Variants in BAALC observed in about 807,000 individuals in gnomAD.
BAALC encodes BAALC binder of MAP3K1 and KLF4, also known as brain and acute leukemia cytoplasmic protein.
BAALC carries 9 observed loss-of-function variants against 15.5 expected under a neutral mutation model. That is an observed-to-expected ratio of 0.58 (90% CI 0.35 to 1.02). BAALC has a LOEUF of 1.02. Among genes scored for constraint, BAALC ranks in the 50% least tolerant of loss-of-function variants. BAALC has a pLI of 0.02. For missense variants in BAALC, 201 were observed against 192.4 expected (o/e 1.04, Z -0.27); for synonymous variants, 80 against 74.6 (o/e 1.07, Z -0.37).
At chr8:103,147,733 T>C (rs1810906744) in intron 1 of BAALC, among the ~76,000 whole-genome samples, 1 of 152,206 alleles carries the variant, frequency 6.6e-6, no homozygotes, top group South Asian at 2.1e-4. Flanking sequence ...AGCCCTCCCA[T>C]GTCAGGCCTA....
At chr8:103,171,302 A>T (rs1811482172) in intron 1 of BAALC, among the ~76,000 whole-genome samples, 2 of 146,662 alleles carry the variant, frequency 1.4e-5, no homozygotes, top group Admixed American at 1.4e-4. Flanking sequence ...GGAAGGGGGG[A>T]GGGAGGAGGA....
At chr8:103,192,271 C>T (rs968830449) in intron 1 of BAALC, among the ~76,000 whole-genome samples, 1 of 152,164 alleles carries the variant, frequency 6.6e-6, no homozygotes, top group African/African-American at 2.4e-5. Flanking sequence ...AAGCTGGTCT[C>T]GAACTCTCGA....
At chr8:103,178,944 A>G (rs1811666956) in intron 1 of BAALC, among the ~76,000 whole-genome samples, 1 of 152,148 alleles carries the variant, frequency 6.6e-6, no homozygotes, top group Non-Finnish European at 1.5e-5. Flanking sequence ...TTTTAAAAAT[A>G]GTTGGTGGAA....
intron 2 of BAALC, among the ~76,000 whole-genome samples, chr8:103,214,333 T>C (rs546368495): frequency 1.3e-5 from 2 of 152,370 alleles, no homozygotes; most frequent in African/African-American, 4.8e-5. Flanking sequence ...GTCAGATATG[T>C]AGTCTGTAAC....
chr8:103,154,052 C>T (rs948110632), intron 1 of BAALC, among the ~76,000 whole-genome samples: 11 of 152,206 alleles, frequency 7.2e-5, no homozygotes, highest in African/African-American at 2.2e-4. Context: ...AATCACTTTT[C>T]AAGGGCAGTC....
At chr8:103,192,818 C>T (rs967519694) in intron 1 of BAALC, among the ~76,000 whole-genome samples, 1 of 152,182 alleles carries the variant, frequency 6.6e-6, no homozygotes, top group African/African-American at 2.4e-5. Flanking sequence ...TAGCGAGATA[C>T]ATATGGCCAT....
intron 1 of BAALC, among the ~76,000 whole-genome samples, chr8:103,151,430 A>G (rs1343759286): frequency 2.6e-5 from 4 of 152,180 alleles, no homozygotes. Context: ...CGAAGAATTA[A>G]TGCATTCACA....
intron 1 of BAALC, among the ~76,000 whole-genome samples, chr8:103,201,804 T>A (rs1812224154): frequency 6.6e-6 from 1 of 152,130 alleles, no homozygotes; most frequent in African/African-American, 2.4e-5. Context: ...TGGCACATAG[T>A]AGGTACCAAA....
At chr8:103,178,034 T>G (rs1387100302) in intron 1 of BAALC, among the ~76,000 whole-genome samples, 1 of 152,204 alleles carries the variant, frequency 6.6e-6, no homozygotes, top group Non-Finnish European at 1.5e-5. Flanking sequence ...GTGGGGAAAT[T>G]AGGAACCATC....
chr8:103,172,569 T>C (rs1811521148), intron 1 of BAALC, among the ~76,000 whole-genome samples: 2 of 152,102 alleles, frequency 1.3e-5, no homozygotes, highest in Admixed American at 1.3e-4. Context: ...GACTGGCTAA[T>C]TTTTGGTAGA....
chr8:103,186,812 T>C lies in BAALC; in HGVS notation c.161-26107T>C, dbSNP rs566214008. 2.0e-5 allele frequency among the ~76,000 whole-genome samples: 3 copies of C among 152,320 alleles called. No homozygotes were observed. In the East Asian group the frequency reaches 5.8e-4, roughly 29 times the overall value. On this transcript the variant is annotated intron_variant, in intron 1 of 2. Transcript: ENST00000309982. ...TGACTAAGCAGATGATAATGGATAA[T>C]CTTGAGCTGAGCTATTTCATATGGT... is the stretch of plus-strand genomic sequence containing the variant.
At chr8:103,202,094 T>C (rs1812229144) in intron 1 of BAALC, among the ~76,000 whole-genome samples, 1 of 152,194 alleles carries the variant, frequency 6.6e-6, no homozygotes, top group African/African-American at 2.4e-5. Context: ...ACCAATATAG[T>C]ACAGTTTTCT....
intron 1 of BAALC, among the ~76,000 whole-genome samples, chr8:103,204,522 T>C (rs1812286821): frequency 6.6e-6 from 1 of 152,224 alleles, no homozygotes; most frequent in Non-Finnish European, 1.5e-5. Context: ...CTTACACCTA[T>C]ATTTTCCTTT....
At chr8:103,188,217 C>T (rs1465320869) in intron 1 of BAALC, among the ~76,000 whole-genome samples, 1 of 152,130 alleles carries the variant, frequency 6.6e-6, no homozygotes, top group East Asian at 1.9e-4. Context: ...ACCACTGCCA[C>T]AGCCCCACCT....
intron 1 of BAALC, among the ~76,000 whole-genome samples, chr8:103,177,824 T>A (rs1324655597): frequency 6.6e-6 from 1 of 152,210 alleles, no homozygotes; most frequent in Non-Finnish European, 1.5e-5. Flanking sequence ...ACCGTAAAAT[T>A]TATTGTAATT....
chr8:103,143,697 T>C (rs966275738), intron 1 of BAALC, among the ~76,000 whole-genome samples: 5 of 152,204 alleles, frequency 3.3e-5, no homozygotes, highest in African/African-American at 1.2e-4. Flanking sequence ...AGCCACCTTT[T>C]CTCCTGGCTA....
At position 103,212,929 on chromosome 8, in the gene BAALC, AG is replaced by A; in HGVS notation, c.172del (p.Asp58MetfsTer41). The A allele has an allele frequency of 1.2e-6, 2 of 1,613,142 alleles. No individual in the cohort carries two copies. The highest frequency in any genetic ancestry group is 2.2e-5 in the South Asian group (2 of 90,896). The stretch of plus-strand genomic sequence containing the variant: ...GCTTACCTCCCCCAGGCATGCTGGA[AG>A]ATGGACTGCCCTCCAATGGTGTGCC... ...AGGLHSGMLE[D>X]GLPSNGVPRS... is the part of the protein sequence containing the mutation. On this transcript the variant is annotated frameshift_variant, in exon 2 of 3. Coordinates refer to ENST00000309982, the MANE Select transcript of BAALC (RefSeq NM_024812.3). LOFTEE classifies it high-confidence loss of function.
At chr8:103,192,478 C>T (rs878943338) in intron 1 of BAALC, among the ~76,000 whole-genome samples, 25 of 152,194 alleles carry the variant, frequency 1.6e-4, no homozygotes, top group African/African-American at 3.4e-4. Flanking sequence ...GCTATAGATA[C>T]GGGATTATCC....
At chr8:103,172,463 A>G (rs958108030) in intron 1 of BAALC, among the ~76,000 whole-genome samples, 5 of 145,118 alleles carry the variant, frequency 3.4e-5, no homozygotes, top group Non-Finnish European at 3.0e-5. Context: ...GTACAGTGAC[A>G]TGATCTCAGC....
Sources: gnomAD v4.1 joint callset for allele counts (sites outside exome capture counted in the v4.1 genomes callset) on GRCh38, gnomAD v4.1.1 for gene constraint, MANE v1.5 for transcripts, NCBI Gene and HGNC (gene_info 2026-07-23, HGNC 2026-07-21) for gene names.